NOX4: variants seen among roughly 807,000 people sequenced by gnomAD.
NOX4 encodes kidney oxidase-1.
Under a neutral mutation model 87.6 loss-of-function variants are expected in NOX4, and 69 were observed. The ratio of observed to expected loss-of-function variants is 0.79; its 90% confidence interval spans 0.65 to 0.96. NOX4 has a LOEUF of 0.96. Among genes scored for constraint, NOX4 ranks in the 40% least tolerant of loss-of-function variants. The pLI is 0.00. For missense variants in NOX4, 680 were observed against 681.5 expected (o/e 1.00, Z 0.02); for synonymous variants, 275 against 238.2 (o/e 1.15, Z -1.42).
chr11:89,467,020 G>C lies in NOX4; in HGVS notation c.154-15125C>G, dbSNP rs141262683. ...AACATAAAGCTGGAGAAGCTAATTG[G>C]GGGGAGCTCGCTGGACTTTGTAGGT... On this transcript the variant is annotated intron_variant, in intron 2 of 17. Transcript: ENST00000263317. Among the ~76,000 whole-genome samples, 351 of 152,162 alleles carry C rather than the reference G, an allele frequency of 2.3e-3. 5 individuals carry two copies. The highest frequency in any genetic ancestry group is 1.5e-3 in the Non-Finnish European group (103 of 67,992).
the NOX4 span, among the ~76,000 whole-genome samples, chr11:89,564,562 G>C: frequency 1.3e-5 from 2 of 152,090 alleles, no homozygotes; most frequent in Admixed American, 6.5e-5. Flanking sequence ...CATGAACCTT[G>C]AATCTAAGAG....
At chr11:89,379,136 T>C (rs1209831629) in intron 11 of NOX4, among the ~76,000 whole-genome samples, 7 of 152,102 alleles carry the variant, frequency 4.6e-5, no homozygotes, top group Non-Finnish European at 4.4e-5. Flanking sequence ...GATGCCACAA[T>C]GGCAAAAATA....
At chr11:89,386,226 C>T (rs1186998263) in intron 11 of NOX4, among the ~76,000 whole-genome samples, 1 of 152,078 alleles carries the variant, frequency 6.6e-6, no homozygotes, top group South Asian at 2.1e-4. Flanking sequence ...TTCTAGACAC[C>T]AGCCCAACTT....
chr11:89,438,845 ATT>A (rs1491339646), intron 6 of NOX4, among the ~76,000 whole-genome samples: 4 of 33,260 alleles, frequency 1.2e-4, no homozygotes, highest in South Asian at 1.1e-3. Context: ...TATTATATAT[ATT>A]ATATAATATA....
chr11:89,438,550 A>C (rs1944220026), intron 6 of NOX4, among the ~76,000 whole-genome samples: 2 of 91,636 alleles, frequency 2.2e-5, no homozygotes, highest in Admixed American at 2.0e-4. Flanking sequence ...ATATATAATA[A>C]TATACTATAT....
chr11:89,580,445 G>A, the NOX4 span, among the ~76,000 whole-genome samples: 1 of 152,152 alleles, frequency 6.6e-6, no homozygotes, highest in African/African-American at 2.4e-5. Flanking sequence ...ACTTCCTGAA[G>A]TGCAAGTATT....
the NOX4 span, among the ~76,000 whole-genome samples, chr11:89,535,205 ACT>A: frequency 6.6e-6 from 1 of 152,236 alleles, no homozygotes; most frequent in African/African-American, 2.4e-5. Context: ...GCATTTTTCT[ACT>A]GTCCTCCAGT....
intron 8 of NOX4, among the ~76,000 whole-genome samples, 159 bp downstream of exon 8, chr11:89,421,743 C>T (rs1363886435): frequency 6.6e-6 from 1 of 152,064 alleles, no homozygotes; most frequent in Non-Finnish European, 1.5e-5. Flanking sequence ...AAAAATAAAA[C>T]TATTTCTTCC....
chr11:89,539,930 C>T, the NOX4 span, among the ~76,000 whole-genome samples: 28 of 152,220 alleles, frequency 1.8e-4, no homozygotes, highest in African/African-American at 5.5e-4. Flanking sequence ...TCTTCTCCTG[C>T]AGAATATACC....
At chr11:89,582,332 G>A in the NOX4 span, among the ~76,000 whole-genome samples, 55 of 152,048 alleles carry the variant, frequency 3.6e-4, no homozygotes, top group African/African-American at 1.2e-3. Context: ...TGTGAATAAT[G>A]CTACAATGAA....
intron 12 of NOX4, among the ~76,000 whole-genome samples, chr11:89,372,539 A>G (rs141745480): frequency 3.0e-4 from 46 of 152,054 alleles, no homozygotes; most frequent in Non-Finnish European, 5.0e-4. Context: ...ATTTTTGACA[A>G]CACTGTGACT....
At chr11:89,580,337 A>G in the NOX4 span, among the ~76,000 whole-genome samples, 1 of 151,966 alleles carries the variant, frequency 6.6e-6, no homozygotes, top group Non-Finnish European at 1.5e-5. Context: ...GGTGCGCACC[A>G]CCACACCTTG....
intron 5 of NOX4, 134 bp downstream of exon 5, chr11:89,444,001 G>C: frequency 2.9e-6 from 2 of 682,550 alleles, no homozygotes; most frequent in South Asian, 3.7e-5. Context: ...AAGGAATAAA[G>C]CTCAACTTGA....
chr11:89,568,412 T>C, the NOX4 span, among the ~76,000 whole-genome samples: 39 of 152,122 alleles, frequency 2.6e-4, no homozygotes, highest in South Asian at 1.0e-3. Flanking sequence ...AGAGGCAAAT[T>C]AAAACACAAT....
intron 2 of NOX4, among the ~76,000 whole-genome samples, chr11:89,471,724 GTTTT>G (rs893109147): frequency 2.0e-5 from 3 of 151,890 alleles, no homozygotes; most frequent in South Asian, 2.1e-4. Context: ...TTTTTTGATT[GTTTT>G]TGTTTGTTTG....
At chr11:89,330,211 T>C (rs1011511435) in intron 17 of NOX4, among the ~76,000 whole-genome samples, 1 of 151,948 alleles carries the variant, frequency 6.6e-6, no homozygotes, top group East Asian at 1.9e-4. Flanking sequence ...TAGCTAAGCA[T>C]GGTGGTATGC....
intron 17 of NOX4, among the ~76,000 whole-genome samples, chr11:89,332,446 A>T (rs540094867): frequency 6.6e-6 from 1 of 152,036 alleles, no homozygotes; most frequent in East Asian, 1.9e-4. Context: ...TTTAATTACA[A>T]ACAATAGGAA....
chr11:89,523,938 G>C, the NOX4 span, among the ~76,000 whole-genome samples: 1 of 152,128 alleles, frequency 6.6e-6, no homozygotes, highest in Non-Finnish European at 1.5e-5. Context: ...AATCCATAGC[G>C]ATTTAAAAAT....
At chr11:89,474,337 G>A (rs1027306136) in intron 2 of NOX4, among the ~76,000 whole-genome samples, 2 of 151,140 alleles carry the variant, frequency 1.3e-5, no homozygotes, top group African/African-American at 2.4e-5. Flanking sequence ...CTAATATTGA[G>A]TAAGACCAAT....
Sources: allele counts gnomAD v4.1 joint callset (sites outside exome capture counted in the v4.1 genomes callset), GRCh38; gene constraint gnomAD v4.1.1; transcripts MANE v1.5; gene names NCBI Gene and HGNC (gene_info 2026-07-23, HGNC 2026-07-21).